The following ZIM2 variants were observed in gnomAD, a reference collection of about 807,000 sequenced individuals.
The protein encoded by ZIM2 is zinc finger imprinted 2, also known as zinc finger protein 656.
In ZIM2, 14 loss-of-function variants were observed where a neutral mutation model predicts 38.6. The ratio of observed to expected loss-of-function variants is 0.36; its 90% confidence interval spans 0.24 to 0.57. The LOEUF (loss-of-function observed/expected upper bound fraction) is 0.57, where lower values mean the gene tolerates loss of function less well. ZIM2 is among the 20% of genes least tolerant of loss of function. ZIM2 has a pLI of 0.81. For missense variants in ZIM2, 680 were observed against 695.1 expected (o/e 0.98, Z 0.24); for synonymous variants, 247 against 245.8 (o/e 1.00, Z -0.04).
chr19:56,821,753 C>A lies in ZIM2; in HGVS notation c.192G>T (p.Arg64Ser). 6.2e-7 allele frequency: 1 copy of A among 1,613,820 alleles called. No homozygotes were observed. The highest frequency in any genetic ancestry group is 8.5e-7 in the Non-Finnish European group (1 of 1,180,002). ...GAAGGGAAAGATCCCGCGGAGGCAT[C>A]CCTGGGAAGAAAAAAGGCATCAACA... The part of the protein sequence containing the change: ...RWSHTRNPRS[R>S]MPPRDLSLPV... The change falls in exon 7 of 13, where the codon AGG (arginine) becomes AGT (serine). Residue 64 changes from arginine (R) to serine (S), a missense_variant and splice_region_variant. Physicochemically the swap from Arg to Ser is moderately radical, Grantham distance 110. Coordinates refer to ENST00000629319, the MANE Select transcript of ZIM2 (RefSeq NM_001387356.1).
At position 56,814,176 on chromosome 19, in the gene ZIM2, A is replaced by G; in HGVS notation, c.490+3570T>C. The G allele has an allele frequency of 3.1e-6, 5 of 1,614,032 alleles. No individual in the cohort carries two copies. The highest frequency in any genetic ancestry group is 4.2e-6 in the Non-Finnish European group (5 of 1,180,010). On this transcript the variant is annotated intron_variant, in intron 9 of 12. Transcript: ENST00000629319. The surrounding 1 kb of genome is among the most constrained non-coding windows in gnomAD (Gnocchi z 5.8). ...CTGCAGCCTCTCCATCTGGCCCTTCAGCCTCTCCGTTTGGCTCAGCAGCCT... is the reference window on the plus strand; with the variant it reads ...CTGCAGCCTCTCCATCTGGCCCTTCGGCCTCTCCGTTTGGCTCAGCAGCCT...
At chr19:56,779,507 A>G (rs1378446922) in intron 11 of ZIM2, 35 bp from the exon 12 acceptor site, 7 of 1,601,606 alleles carry the variant, frequency 4.4e-6, no homozygotes, top group Admixed American at 1.7e-5. Flanking sequence ...TCAGGGTTTC[A>G]GTAACTCCCA....
chr19:56,807,577 G>A (rs1433486463), intron 9 of ZIM2, among the ~76,000 whole-genome samples: 1 of 152,198 alleles, frequency 6.6e-6, no homozygotes. Flanking sequence ...GGGAGGCCAA[G>A]GCAAGAGGGT....
intron 10 of ZIM2, among the ~76,000 whole-genome samples, chr19:56,789,322 G>A (rs1018722432): frequency 1.3e-5 from 2 of 152,160 alleles, no homozygotes; most frequent in African/African-American, 4.8e-5. Flanking sequence ...CCGGCCAGCC[G>A]AAGTTGCAGT....
Position 56,782,129 on chromosome 19 carries a change from A to G in ZIM2, c.571-8T>C. The G allele has an allele frequency of 1.2e-6, 2 of 1,612,776 alleles. No homozygotes were observed. The highest frequency in any genetic ancestry group is 1.7e-6 in the Non-Finnish European group (2 of 1,179,098). On this transcript the variant is annotated splice_region_variant and splice_polypyrimidine_tract_variant and intron_variant, in intron 10 of 12. Coordinates refer to ENST00000629319, the MANE Select transcript of ZIM2 (RefSeq NM_001387356.1). Reference sequence around the variant, plus strand: ...GTGTTTGAAGTCCGGGAACTATCCCAGAGAGAGGAGAAGGGACGTGATTAG... The same window carrying G: ...GTGTTTGAAGTCCGGGAACTATCCCGGAGAGAGGAGAAGGGACGTGATTAG...
At chr19:56,790,871 G>C (rs1042562221) in intron 9 of ZIM2, among the ~76,000 whole-genome samples, 4 of 152,086 alleles carry the variant, frequency 2.6e-5, no homozygotes, top group Non-Finnish European at 5.9e-5. Context: ...CACACAGTAG[G>C]TATTTTTTTG....
intron 2 of ZIM2, among the ~76,000 whole-genome samples, chr19:56,827,378 A>G (rs1435181008): frequency 1.3e-5 from 2 of 152,206 alleles, no homozygotes; most frequent in Non-Finnish European, 2.9e-5. Context: ...AATAGAAGCC[A>G]TTGAAAAATG....
At chr19:56,838,596 G>T (rs1447378173) in intron 1 of ZIM2, among the ~76,000 whole-genome samples, 1 of 152,176 alleles carries the variant, frequency 6.6e-6, no homozygotes. Flanking sequence ...CAGGGGAAGG[G>T]GTGAGCCTCT....
At chr19:56,821,891 G>T in intron 6 of ZIM2, 137 bp from the exon 7 acceptor site, 1 of 916,072 alleles carries the variant, frequency 1.1e-6, no homozygotes, top group Non-Finnish European at 1.7e-6. Flanking sequence ...TGCATTCTGT[G>T]GCAGCCTCTG....
intron 12 of ZIM2, 108 bp downstream of exon 12, chr19:56,779,269 A>G: frequency 9.5e-7 from 1 of 1,052,580 alleles, no homozygotes; most frequent in Non-Finnish European, 1.4e-6. Context: ...CTGAGGAGAA[A>G]GGGCACCTAC....
intron 10 of ZIM2, among the ~76,000 whole-genome samples, chr19:56,788,219 T>A (rs988425661): frequency 5.9e-5 from 9 of 152,204 alleles, no homozygotes; most frequent in Admixed American, 5.9e-4. Flanking sequence ...TTTAGATCTT[T>A]CCTGCTTTCT....
intron 11 of ZIM2, among the ~76,000 whole-genome samples, chr19:56,779,854 G>GA (rs2046233830): frequency 6.6e-6 from 1 of 152,146 alleles, no homozygotes; most frequent in African/African-American, 2.4e-5. Flanking sequence ...TCAGCACCAA[G>GA]AATCTGACAT....
At chr19:56,812,131 T>A (rs1447950214) in intron 9 of ZIM2, 3 of 967,226 alleles carry the variant, frequency 3.1e-6, no homozygotes, top group Non-Finnish European at 3.7e-6. Context: ...TTAAATTTTT[T>A]AAATTTTATA....
chr19:56,811,284 G>T, intron 9 of ZIM2: 1 of 920,932 alleles, frequency 1.1e-6, no homozygotes, highest in South Asian at 5.0e-5. Context: ...TTGACTATAA[G>T]CATATATATT....
At position 56,774,717 on chromosome 19, in the gene ZIM2, CTT is replaced by C. The variant is rs764912649; in HGVS notation, c.1646_1647del (p.Gln549ArgfsTer5). 5 of 1,613,966 alleles carry C rather than the reference CTT, an allele frequency of 3.1e-6. No individual in the cohort carries two copies. The highest frequency in any genetic ancestry group is 1.7e-5 in the Admixed American group (1 of 60,004). ...YLTQHYQLHS[Q>X]EKTVECDHC ...CAGTGATCGCACTCAACAGTTTTCT[CTT>C]GAGAATGGAGTTGATAATGTTGAGT... On this transcript the variant is annotated frameshift_variant, in exon 13 of 13. Transcript: ENST00000629319. LOFTEE classifies it low-confidence loss of function (END_TRUNC).
chr19:56,836,510 A>T (rs1276588055), intron 1 of ZIM2, among the ~76,000 whole-genome samples: 1 of 152,140 alleles, frequency 6.6e-6, no homozygotes, highest in East Asian at 1.9e-4. Flanking sequence ...GTTTATCAAC[A>T]TGTTCTCAGT....
At chr19:56,815,848 A>G in intron 9 of ZIM2, 1 of 1,613,760 alleles carries the variant, frequency 6.2e-7, no homozygotes, top group South Asian at 1.1e-5. Flanking sequence ...AAGGTCTGAG[A>G]TATAAATGGA....
intron 12 of ZIM2, 34 bp from the exon 13 acceptor site, chr19:56,775,563 C>A (rs2145817177): frequency 6.4e-7 from 1 of 1,559,026 alleles, no homozygotes. Context: ...ACCTACCGCC[C>A]AATTATCCAA....
In ZIM2 at chr19:56,823,638, G is replaced by A. The variant is rs983668470; in HGVS notation, c.58C>T (p.Arg20Trp). The change falls in exon 5 of 13, where the codon CGG (arginine) becomes TGG (tryptophan). Residue 20 changes from arginine (R) to tryptophan (W), a missense_variant. Coordinates refer to ENST00000629319, the MANE Select transcript of ZIM2 (RefSeq NM_001387356.1). ...SDVTSDDDMT[R>W]NRRESSPPHS... ...GGTGGTGAGGACTCTCTTCTGTTCC[G>A]GGTCATGTCGTCGTCGCTGGTCACG... is the stretch of plus-strand genomic sequence containing the variant. The A allele has an allele frequency of 5.0e-6, 8 of 1,613,958 alleles. No individual in the cohort carries two copies. The highest frequency in any genetic ancestry group is 1.6e-4 in the Middle Eastern group (1 of 6,084).
Sources: gnomAD v4.1 joint callset for allele counts (sites outside exome capture counted in the v4.1 genomes callset) on GRCh38, gnomAD v4.1.1 for gene constraint, Gnocchi (gnomAD v3.1) non-coding constraint, MANE v1.5 for transcripts, NCBI Gene and HGNC (gene_info 2026-07-23, HGNC 2026-07-21) for gene names.